Variants in NEMP2 observed in about 807,000 individuals in gnomAD.
The protein encoded by NEMP2 is nuclear envelope integral membrane protein 2.
In NEMP2, 53 loss-of-function variants were observed where a neutral mutation model predicts 54.2. The ratio of observed to expected loss-of-function variants is 0.98; its 90% confidence interval spans 0.78 to 1.23. The LOEUF (loss-of-function observed/expected upper bound fraction) is 1.23. NEMP2 is among the 50% of genes most tolerant of loss of function. The pLI is 0.00. For synonymous variants in NEMP2, 197 were observed against 190.3 expected, an observed-to-expected ratio of 1.04 and a Z score of -0.29; for missense variants, 455 against 511.3, an observed-to-expected ratio of 0.89 and a Z score of 1.06.
chr2:190,525,468 GT>G lies in NEMP2; in HGVS notation c.98-91del. 1 of 659,794 alleles carries G rather than the reference GT, an allele frequency of 1.5e-6. No individual in the cohort carries two copies. The highest frequency in any genetic ancestry group is 2.6e-6 in the Non-Finnish European group (1 of 381,796). The allele number at this position is 659,794 out of a possible 1,614,324, so 40.9% of individuals were successfully genotyped here. On this transcript the variant is annotated intron_variant, in intron 1 of 8. Coordinates refer to ENST00000409150, the MANE Select transcript of NEMP2 (RefSeq NM_001142645.2). The surrounding 1 kb of genome is among the most constrained non-coding windows in gnomAD (Gnocchi z 5.0). ...AGTTTGCAGGGAGGTAACAGTAGCA[GT>G]TTTAACGTTCTATGGCCAATAAATT... is the stretch of plus-strand genomic sequence containing the variant.
At chr2:190,635,348 C>G in the NEMP2 span, among the ~76,000 whole-genome samples, 8 of 152,298 alleles carry the variant, frequency 5.3e-5, no homozygotes, top group East Asian at 1.5e-3. The surrounding 1 kb of genome is among the most constrained non-coding windows in gnomAD (Gnocchi z 4.1). Context: ...TCCTGAGTAG[C>G]TAGGACCATG....
rs1225166892 is a variant in NEMP2 at position 190,521,042 on chromosome 2, C to T, written c.214-1859G>A. Among the ~76,000 whole-genome samples the T allele has an allele frequency of 2.0e-5, 3 of 152,220 alleles. No homozygotes were observed. The highest frequency in any genetic ancestry group is 2.9e-5 in the Non-Finnish European group (2 of 68,042). On this transcript the variant is annotated intron_variant, in intron 2 of 8. Transcript: ENST00000409150. The surrounding 1 kb of genome is among the most constrained non-coding windows in gnomAD (Gnocchi z 6.2). ...CAGCATTCTACTCCTGCATTTGCAT[C>T]ACCAGTGTGCTAGAGAAGTGCACAC... is the stretch of plus-strand genomic sequence containing the variant.
At chr2:190,634,554 A>G in the NEMP2 span, among the ~76,000 whole-genome samples, 49 of 152,238 alleles carry the variant, frequency 3.2e-4, no homozygotes, top group Non-Finnish European at 7.3e-5. The surrounding 1 kb of genome is among the most constrained non-coding windows in gnomAD (Gnocchi z 6.8). Context: ...AAAGAGATGG[A>G]AAGAACAAGA....
chr2:190,534,278 G>T (rs1691274456), intron 1 of NEMP2: 3 of 1,151,860 alleles, frequency 2.6e-6, no homozygotes, highest in South Asian at 8.5e-5. Context: ...TCTGAGTTTC[G>T]GTTGCTTCTG....
At chr2:190,619,392 T>C in the NEMP2 span, among the ~76,000 whole-genome samples, 1 of 151,878 alleles carries the variant, frequency 6.6e-6, no homozygotes, top group Non-Finnish European at 1.5e-5. The surrounding 1 kb of genome is among the most constrained non-coding windows in gnomAD (Gnocchi z 5.5). Context: ...CCCAGCTACC[T>C]GGGAGGCTGA....
chr2:190,435,071 C>T, the NEMP2 span, among the ~76,000 whole-genome samples: 29 of 152,330 alleles, frequency 1.9e-4, 1 homozygote, highest in African/African-American at 6.3e-4. Context: ...ACCAACCCCC[C>T]TCTCCATCTG....
chr2:190,439,725 AT>A, the NEMP2 span, among the ~76,000 whole-genome samples: 4 of 152,250 alleles, frequency 2.6e-5, no homozygotes, highest in Non-Finnish European at 5.9e-5. The surrounding 1 kb of genome is among the most constrained non-coding windows in gnomAD (Gnocchi z 5.8). Context: ...GATGGCTGTT[AT>A]GGTCATATTG....
the NEMP2 span, among the ~76,000 whole-genome samples, chr2:190,563,049 A>G: frequency 1.3e-5 from 2 of 152,222 alleles, no homozygotes; most frequent in Admixed American, 6.5e-5. This position sits in a 1 kb window ranked among gnomAD's most constrained non-coding sequence, Gnocchi z 4.3. Flanking sequence ...CAAAATGACT[A>G]TCTGTATGAT....
At chr2:190,423,435 T>G in the NEMP2 span, among the ~76,000 whole-genome samples, 3 of 152,236 alleles carry the variant, frequency 2.0e-5, no homozygotes, top group Non-Finnish European at 4.4e-5. This position sits in a 1 kb window ranked among gnomAD's most constrained non-coding sequence, Gnocchi z 4.3. Context: ...ATCTGGAAAT[T>G]TATCCAGTTT....
At chr2:190,446,770 A>T in the NEMP2 span, among the ~76,000 whole-genome samples, 12 of 152,296 alleles carry the variant, frequency 7.9e-5, no homozygotes, top group East Asian at 2.3e-3. Context: ...AATACAAGAG[A>T]TGAATACTCG....
At chr2:190,436,536 C>G in the NEMP2 span, 1 of 1,614,224 alleles carries the variant, frequency 6.2e-7, no homozygotes, top group Admixed American at 1.7e-5. This position sits in a 1 kb window ranked among gnomAD's most constrained non-coding sequence, Gnocchi z 5.3. Context: ...CAACTCACCC[C>G]ACCAATGCAA....
chr2:190,484,366 A>C, the NEMP2 span, among the ~76,000 whole-genome samples: 1 of 152,244 alleles, frequency 6.6e-6, no homozygotes, highest in African/African-American at 2.4e-5. Flanking sequence ...ATAAAGAATA[A>C]TCATCTACTG....
At chr2:190,590,810 C>T in the NEMP2 span, among the ~76,000 whole-genome samples, 1 of 152,138 alleles carries the variant, frequency 6.6e-6, no homozygotes, top group Non-Finnish European at 1.5e-5. This position sits in a 1 kb window ranked among gnomAD's most constrained non-coding sequence, Gnocchi z 5.1. Context: ...TAACCAGATT[C>T]TTATTCTTAT....
Position 190,505,936 on chromosome 2 carries a change from A to G in NEMP2, c.*3253T>C, listed in dbSNP as rs1690177346. The G allele has an allele frequency of 6.6e-6, 1 of 152,352 alleles. No homozygotes were observed. The highest frequency in any genetic ancestry group is 1.9e-4 in the East Asian group (1 of 5,186). 9.4% of individuals were successfully genotyped at this position (152,352 alleles called of 1,614,324 possible). ...TGGCCTCATGACATTAACCATGTGA[A>G]TTATATAACAAGCTCCCTTTGTTTT... On this transcript the variant is annotated 3_prime_UTR_variant, in exon 9 of 9. Coordinates refer to ENST00000409150, the MANE Select transcript of NEMP2 (RefSeq NM_001142645.2). This position sits in a 1 kb window ranked among gnomAD's most constrained non-coding sequence, Gnocchi z 5.8.
At chr2:190,604,935 C>G in the NEMP2 span, among the ~76,000 whole-genome samples, 1 of 152,074 alleles carries the variant, frequency 6.6e-6, no homozygotes, top group Non-Finnish European at 1.5e-5. The surrounding 1 kb of genome is among the most constrained non-coding windows in gnomAD (Gnocchi z 4.5). Flanking sequence ...GTTAAGTCAC[C>G]TAGTTGCTTA....
At chr2:190,526,665 C>T (rs922332433) in intron 1 of NEMP2, among the ~76,000 whole-genome samples, 3 of 151,948 alleles carry the variant, frequency 2.0e-5, no homozygotes, top group Non-Finnish European at 2.9e-5. Context: ...TTCTGATAAG[C>T]GGAGAGATAG....
the NEMP2 span, among the ~76,000 whole-genome samples, chr2:190,462,087 C>T: frequency 6.6e-6 from 1 of 152,068 alleles, no homozygotes; most frequent in East Asian, 1.9e-4. This position sits in a 1 kb window ranked among gnomAD's most constrained non-coding sequence, Gnocchi z 5.7. Flanking sequence ...TCGCAGATTT[C>T]CAGGATAATC....
At chr2:190,586,946 AATTTTC>A in the NEMP2 span, among the ~76,000 whole-genome samples, 1 of 152,132 alleles carries the variant, frequency 6.6e-6, no homozygotes, top group Non-Finnish European at 1.5e-5. This position sits in a 1 kb window ranked among gnomAD's most constrained non-coding sequence, Gnocchi z 4.5. Flanking sequence ...CTCTTGTGAG[AATTTTC>A]ATTTTCATCT....
chr2:190,637,956 A>G, the NEMP2 span, among the ~76,000 whole-genome samples: 1 of 152,248 alleles, frequency 6.6e-6, no homozygotes, highest in Non-Finnish European at 1.5e-5. This position sits in a 1 kb window ranked among gnomAD's most constrained non-coding sequence, Gnocchi z 4.5. Context: ...TTTGGATCAG[A>G]TCACGTTCTT....
Sources: allele counts gnomAD v4.1 joint callset (sites outside exome capture counted in the v4.1 genomes callset), GRCh38; gene constraint gnomAD v4.1.1; non-coding constraint Gnocchi (gnomAD v3.1); transcripts MANE v1.5; gene names NCBI Gene and HGNC (gene_info 2026-07-23, HGNC 2026-07-21).